Variants in GLG1 observed in about 807,000 individuals in gnomAD.
GLG1 encodes the protein Golgi apparatus protein 1.
Under a neutral mutation model 160.5 loss-of-function variants are expected in GLG1, and 38 were observed. That is an observed-to-expected ratio of 0.24 (90% CI 0.18 to 0.31). The LOEUF (loss-of-function observed/expected upper bound fraction) is 0.31. GLG1 is among the 10% of genes least tolerant of loss of function. The probability of loss-of-function intolerance (pLI) is 1.00; values close to 1 mark genes in which losing one functional copy is unlikely to be tolerated. For missense variants in GLG1, 1,373 were observed against 1,505.2 expected (o/e 0.91, Z 1.45); for synonymous variants, 644 against 543.4 (o/e 1.19, Z -2.57).
chr16:74,506,581 CAAAA>C lies in GLG1; in HGVS notation c.558+2254_558+2257del, dbSNP rs56175030. 7.7e-4 allele frequency among the ~76,000 whole-genome samples: 30 copies of C among 39,054 alleles called. No homozygotes were observed. In the East Asian group the frequency reaches 0.015, roughly 19 times the overall value. 25.6% of individuals were successfully genotyped at this position (39,054 alleles called of 152,430 possible). ...TGGGTTACAGAGCAAGACTCCGTCTCAAAAAAAAAAAAAAAAAAAAAAACTCAAG... is the reference window on the plus strand; with the variant it reads ...TGGGTTACAGAGCAAGACTCCGTCTCAAAAAAAAAAAAAAAAAAACTCAAG... On this transcript the variant is annotated intron_variant, in intron 3 of 25. Coordinates refer to ENST00000422840, the MANE Select transcript of GLG1 (RefSeq NM_001145667.2).
intron 2 of GLG1, among the ~76,000 whole-genome samples, chr16:74,526,920 C>T (rs554398512): frequency 3.0e-4 from 45 of 152,270 alleles, no homozygotes; most frequent in Admixed American, 1.4e-3. Flanking sequence ...AGTCGCTACA[C>T]GCAAATTTGC....
intron 2 of GLG1, among the ~76,000 whole-genome samples, chr16:74,516,342 T>C (rs2016977063): frequency 6.6e-6 from 1 of 151,572 alleles, no homozygotes; most frequent in African/African-American, 2.4e-5. Flanking sequence ...GAACAGAAAT[T>C]GTAACAAACT....
In GLG1 at chr16:74,463,377, G is replaced by C. The variant is rs2014876650; in HGVS notation, c.2770C>G (p.Arg924Gly). Residue 924 changes from arginine (R) to glycine (G), a missense_variant, in exon 20 of 26, where the codon CGC (arginine) becomes GGC (glycine). By Grantham distance (125) the Arg-to-Gly change is moderately radical. Around this residue, in one of 4 missense-constraint regions of GLG1, gnomAD observed 491 missense variants for 632.1 expected, o/e 0.78. Coordinates refer to ENST00000422840, the MANE Select transcript of GLG1 (RefSeq NM_001145667.2). ...DPKCKQMITK[R>G]QITQNTDYRL... ...TTACCTGTGTTCTGGGTGATCTGGC[G>C]CTTGGTTATCATCTGTTTGCATTTG... The C allele has an allele frequency of 6.2e-7, 1 of 1,613,998 alleles. No homozygotes were observed. The highest frequency in any genetic ancestry group is 8.5e-7 in the Non-Finnish European group (1 of 1,179,910).
intron 1 of GLG1, among the ~76,000 whole-genome samples, chr16:74,548,338 G>A (rs2432596): frequency 1.6e-4 from 24 of 152,216 alleles, no homozygotes; most frequent in South Asian, 4.1e-4. Flanking sequence ...AATTCTTCCC[G>A]AAAATATCTG....
chr16:74,559,329 G>A (rs908985943), intron 1 of GLG1, among the ~76,000 whole-genome samples: 4 of 151,462 alleles, frequency 2.6e-5, no homozygotes, highest in African/African-American at 7.3e-5. Context: ...TGTAATCCAA[G>A]CTACTCAGGA....
intron 1 of GLG1, among the ~76,000 whole-genome samples, chr16:74,573,944 C>T (rs888519834): frequency 6.6e-6 from 1 of 152,174 alleles, no homozygotes; most frequent in South Asian, 2.1e-4. Context: ...CAGGCGCACA[C>T]CACTACACCC....
intron 24 of GLG1, among the ~76,000 whole-genome samples, chr16:74,457,450 A>G (rs2014600954): frequency 6.6e-6 from 1 of 152,168 alleles, no homozygotes; most frequent in East Asian, 1.9e-4. Context: ...TATTGGGTAT[A>G]CGTGGCTCAA....
rs185985179 is a variant in GLG1 at position 74,546,132 on chromosome 16, G to A, written c.439-13979C>T. On this transcript the variant is annotated intron_variant, in intron 1 of 25. Transcript: ENST00000422840. ...ATCATAATTACTGTTCTTCAGGAGA[G>A]TACTGGGAAATCTAATGTCTAAAAC... Among the ~76,000 whole-genome samples, 43 of 152,234 alleles carry A rather than the reference G, an allele frequency of 2.8e-4. No homozygotes were observed. The South Asian group carries it at 3.9e-3, about 14-fold the overall frequency.
At chr16:74,579,336 G>A (rs1597367491) in intron 1 of GLG1, among the ~76,000 whole-genome samples, 1 of 135,408 alleles carries the variant, frequency 7.4e-6, no homozygotes, top group African/African-American at 2.9e-5. Flanking sequence ...GATCACCTGA[G>A]CCTTGGGAGG....
At chr16:74,462,913 C>T (rs751693802) in intron 20 of GLG1, 131 of 470,592 alleles carry the variant, frequency 2.8e-4, no homozygotes, top group Admixed American at 1.9e-4. Context: ...AAGGGGACAT[C>T]AGCAACCTTC....
chr16:74,528,059 G>A (rs1466326385), intron 2 of GLG1, among the ~76,000 whole-genome samples: 1 of 151,450 alleles, frequency 6.6e-6, no homozygotes, highest in African/African-American at 2.4e-5. Context: ...TAGCTTTTTT[G>A]TATTTTTAGT....
At chr16:74,553,597 C>T (rs1451948929) in intron 1 of GLG1, among the ~76,000 whole-genome samples, 5 of 151,410 alleles carry the variant, frequency 3.3e-5, no homozygotes, top group Admixed American at 1.3e-4. Context: ...CTCAGCCTCC[C>T]GAGTAGCTGG....
intron 4 of GLG1, among the ~76,000 whole-genome samples, chr16:74,499,973 A>C (rs546021810): frequency 6.6e-6 from 1 of 152,344 alleles, no homozygotes; most frequent in African/African-American, 2.4e-5. Context: ...ACTGCACTCC[A>C]GCCTGGGCGA....
chr16:74,553,602 A>G (rs1169767117), intron 1 of GLG1, among the ~76,000 whole-genome samples: 3 of 150,896 alleles, frequency 2.0e-5, no homozygotes, highest in African/African-American at 7.3e-5. Flanking sequence ...CCTCCCGAGT[A>G]GCTGGGACTA....
rs191136633 is a variant in GLG1, at chr16:74,586,385, T to G, written c.438+20272A>C. Among the ~76,000 whole-genome samples, 7 of 152,292 alleles carry G rather than the reference T, an allele frequency of 4.6e-5. No homozygotes were observed. The East Asian group carries it at 1.3e-3, about 29-fold the overall frequency. On this transcript the variant is annotated intron_variant, in intron 1 of 25. Coordinates refer to ENST00000422840, the MANE Select transcript of GLG1 (RefSeq NM_001145667.2). ...TCTTGTACACTGGTAAAGGGCTTAT[T>G]ATTAGCTCAACTCAATTACAAGACA...
intron 2 of GLG1, among the ~76,000 whole-genome samples, chr16:74,516,090 T>A (rs201994488): frequency 2.0e-5 from 3 of 151,390 alleles, no homozygotes; most frequent in Non-Finnish European, 1.5e-5. Flanking sequence ...ACTTAGACTC[T>A]CACACAATAA....
At chr16:74,498,868 CAAAAAAAAAAA>C (rs57372225) in intron 4 of GLG1, among the ~76,000 whole-genome samples, 16 of 75,830 alleles carry the variant, frequency 2.1e-4, no homozygotes, top group Non-Finnish European at 2.9e-4. Context: ...CCGTCTCAGG[CAAAAAAAAAAA>C]AAAAAAAAAA....
chr16:74,567,554 C>CTTTT (rs869140658), intron 1 of GLG1, among the ~76,000 whole-genome samples: 1,555 of 66,470 alleles, frequency 0.023, no homozygotes, highest in East Asian at 0.038. Context: ...GGTGCACTTT[C>CTTTT]TTTTTTTTTT....
In GLG1 at chr16:74,448,807, C is replaced by A. The variant is rs547877195; in HGVS notation, c.*4360G>T. On this transcript the variant is annotated 3_prime_UTR_variant, in exon 26 of 26. Transcript: ENST00000422840. ...CGTGGTGGCTCACGCCTGTAATGCACTTTGGAAGGCCGAAGTGCACTTTGG... is the reference window on the plus strand; with the variant it reads ...CGTGGTGGCTCACGCCTGTAATGCAATTTGGAAGGCCGAAGTGCACTTTGG... 1.3e-5 allele frequency: 2 copies of A among 149,114 alleles called. No homozygotes were observed. Among genetic ancestry groups the A allele is most frequent in the South Asian group, 4.2e-4 (2 of 4,714 alleles). 9.2% of individuals were successfully genotyped at this position (149,114 alleles called of 1,614,324 possible).
Sources: gnomAD v4.1 joint callset for allele counts (sites outside exome capture counted in the v4.1 genomes callset) on GRCh38, gnomAD v4.1.1 for gene constraint, gnomAD v4.1.1 regional missense constraint, MANE v1.5 for transcripts, NCBI Gene and HGNC (gene_info 2026-07-23, HGNC 2026-07-21) for gene names.